Variants in DMD observed in about 807,000 individuals in gnomAD.
DMD encodes dystrophin.
Under a neutral mutation model 330.1 loss-of-function variants are expected in DMD, and 63 were observed. The ratio of observed to expected loss-of-function variants is 0.19; its 90% confidence interval spans 0.16 to 0.24. DMD has a LOEUF of 0.24. Among genes scored for constraint, DMD ranks in the 10% least tolerant of loss-of-function variants. The pLI is 1.00. For synonymous variants in DMD, 1,223 were observed against 959.8 expected (o/e 1.27, Z -5.07); for missense variants, 3,344 against 2,684.1 (o/e 1.25, Z -5.43).
chrX:31,944,521 C>CA (rs200773231), intron 45 of DMD, among the ~76,000 whole-genome samples: 1,979 of 106,033 alleles, frequency 0.019, 56 homozygotes, highest in African/African-American at 0.065. Context: ...CTCTGTCGCC[C>CA]GGCTGGAGTG....
intron 44 of DMD, among the ~76,000 whole-genome samples, chrX:32,121,637 A>T (rs1603626323): frequency 1.3e-5 from 1 of 74,552 alleles, no homozygotes; most frequent in African/African-American, 6.1e-5. Flanking sequence ...ATATATATAT[A>T]TATATATATA....
chrX:32,960,699 T>C (rs1360320413), intron 2 of DMD, among the ~76,000 whole-genome samples: 1 of 111,363 alleles, frequency 9.0e-6, no homozygotes, highest in Non-Finnish European at 1.9e-5. Flanking sequence ...AACTCTTCTC[T>C]ATTATAATAG....
chrX:31,649,335 G>A (rs763248867), intron 54 of DMD, among the ~76,000 whole-genome samples: 1 of 111,634 alleles, frequency 9.0e-6, no homozygotes, highest in East Asian at 2.8e-4. Flanking sequence ...ATGGCTACTT[G>A]GCTACATCAC....
intron 52 of DMD, among the ~76,000 whole-genome samples, chrX:31,700,823 A>G (rs1338217028): frequency 8.9e-6 from 1 of 112,064 alleles, no homozygotes; most frequent in Admixed American, 9.5e-5. Flanking sequence ...AGCTTGATGT[A>G]TATCTATGCA....
chrX:31,234,721 C>G (rs1460371375), intron 63 of DMD, among the ~76,000 whole-genome samples: 1 of 112,097 alleles, frequency 8.9e-6, no homozygotes, highest in African/African-American at 3.2e-5. Context: ...ATACAAAACT[C>G]TGGTTATGTG....
At chrX:31,337,452 T>C (rs1389022105) in intron 61 of DMD, among the ~76,000 whole-genome samples, 1 of 112,375 alleles carries the variant, frequency 8.9e-6, no homozygotes, top group East Asian at 2.8e-4. Flanking sequence ...AAATGCCTTT[T>C]GTCCTCACTT....
chrX:33,327,787 A>C (rs2054110227), intron 1 of DMD, among the ~76,000 whole-genome samples: 1 of 111,496 alleles, frequency 9.0e-6, no homozygotes, highest in African/African-American at 3.3e-5. Context: ...AATCTTATAA[A>C]GATCTGGTTC....
Position 33,227,617 on chromosome X carries a change from T to C in DMD, c.7+111642A>G, listed in dbSNP as rs745580190. 2.2e-4 allele frequency among the ~76,000 whole-genome samples: 24 copies of C among 110,965 alleles called. 1 individual carries two copies. The South Asian group carries it at 5.2e-3, about 24-fold the overall frequency. The stretch of plus-strand genomic sequence containing the variant: ...CCCAAAAGCTTAAGCTTCATTTGCT[T>C]CCTGACAACTCAAATCATCTGGAAA... On this transcript the variant is annotated intron_variant, in intron 1 of 17. Coordinates refer to the DMD transcript ENST00000288447.
chrX:33,132,003 C>T (rs1397857096), intron 1 of DMD, among the ~76,000 whole-genome samples: 2 of 111,965 alleles, frequency 1.8e-5, no homozygotes, highest in Non-Finnish European at 3.8e-5. Flanking sequence ...AGCTCAGTAA[C>T]AACTGCAGCA....
intron 1 of DMD, among the ~76,000 whole-genome samples, chrX:33,219,576 T>C (rs776901817): frequency 8.2e-5 from 9 of 109,751 alleles, no homozygotes; most frequent in Non-Finnish European, 1.7e-4. Flanking sequence ...GTACTATCTA[T>C]AGAGTCAAGA....
chrX:31,292,340 CA>C (rs1359764853), intron 62 of DMD, among the ~76,000 whole-genome samples: 1 of 111,534 alleles, frequency 9.0e-6, no homozygotes, highest in African/African-American at 3.3e-5. Context: ...CCAAAATGGT[CA>C]ATAAATACAC....
intron 1 of DMD, among the ~76,000 whole-genome samples, chrX:33,059,386 T>TTC (rs113185861): frequency 0.3 from 31,380 of 105,963 alleles, 3,940 homozygotes; most frequent in East Asian, 0.71. Context: ...CTCACTTTCT[T>TTC]TCTCTCTCTC....
At chrX:31,984,762 T>A (rs1423297602) in intron 44 of DMD, among the ~76,000 whole-genome samples, 2 of 112,242 alleles carry the variant, frequency 1.8e-5, no homozygotes, top group Non-Finnish European at 3.8e-5. Flanking sequence ...TTTAAACTAG[T>A]ATGTTTCAAT....
At chrX:32,995,211 C>G (rs2093086793) in intron 2 of DMD, among the ~76,000 whole-genome samples, 1 of 112,822 alleles carries the variant, frequency 8.9e-6, no homozygotes, top group South Asian at 3.6e-4. Flanking sequence ...TATGACATCT[C>G]TGTTCTATGA....
At position 32,039,928 on chromosome X, in the gene DMD, G is replaced by C. The variant is rs900628886; in HGVS notation, c.6439-71414C>G. Among the ~76,000 whole-genome samples the C allele has an allele frequency of 5.4e-5, 6 of 111,014 alleles. No individual in the cohort carries two copies. The Admixed American group carries it at 5.8e-4, about 11-fold the overall frequency. On this transcript the variant is annotated intron_variant, in intron 44 of 78. Transcript: ENST00000357033. Reference sequence around the variant, plus strand: ...GTCTTTCTGTGCCTGGGGGAAAAATGTTCATGTACCTCAGAAGTAAACACA... The same window carrying C: ...GTCTTTCTGTGCCTGGGGGAAAAATCTTCATGTACCTCAGAAGTAAACACA...
chrX:33,314,615 C>T (rs1171985986), intron 1 of DMD, among the ~76,000 whole-genome samples: 1 of 94,040 alleles, frequency 1.1e-5, no homozygotes, highest in African/African-American at 4.1e-5. Context: ...GGACTAAAAC[C>T]AAGGTGTCAA....
chrX:32,712,271 A>T (rs906727280), intron 7 of DMD, among the ~76,000 whole-genome samples: 2 of 111,440 alleles, frequency 1.8e-5, no homozygotes, highest in African/African-American at 6.5e-5. Flanking sequence ...TATGGTGCCT[A>T]TAGTCCAATG....
chrX:31,281,261 G>T (rs1381862957), intron 62 of DMD, among the ~76,000 whole-genome samples: 1 of 111,597 alleles, frequency 9.0e-6, no homozygotes, highest in African/African-American at 3.3e-5. Context: ...CTATTAGCCA[G>T]CCCCACTGTT....
At chrX:32,063,187 AACACACAC>A (rs113943502) in intron 44 of DMD, among the ~76,000 whole-genome samples, 4 of 100,746 alleles carry the variant, frequency 4.0e-5, no homozygotes, top group Admixed American at 1.1e-4. Flanking sequence ...AAGTATGTCT[AACACACAC>A]ACACACACAC....
Sources: allele counts gnomAD v4.1 joint callset (sites outside exome capture counted in the v4.1 genomes callset), GRCh38; gene constraint gnomAD v4.1.1; transcripts MANE v1.5; gene names NCBI Gene and HGNC (gene_info 2026-07-23, HGNC 2026-07-21).